The following TRAPPC11 variants were observed in gnomAD, a reference collection of about 807,000 sequenced individuals.
TRAPPC11 encodes the protein foie gras homolog.
Under a neutral mutation model 151.2 loss-of-function variants are expected in TRAPPC11, and 104 were observed. The observed-to-expected ratio is 0.69, with a 90% CI of 0.59 to 0.81. The LOEUF (loss-of-function observed/expected upper bound fraction) is 0.81. TRAPPC11 is among the 30% of genes least tolerant of loss of function. The probability of loss-of-function intolerance (pLI) is 0.00; values close to 1 mark genes in which losing one functional copy is unlikely to be tolerated. For synonymous variants in TRAPPC11, 456 were observed against 472.3 expected, an observed-to-expected ratio of 0.97 and a Z score of 0.45; for missense variants, 1,230 against 1,349.6, an observed-to-expected ratio of 0.91 and a Z score of 1.39.
intron 29 of TRAPPC11, among the ~76,000 whole-genome samples, chr4:183,709,564 A>G (rs1211116542): frequency 6.6e-6 from 1 of 152,156 alleles, no homozygotes; most frequent in Non-Finnish European, 1.5e-5. Context: ...TCATAAGGTC[A>G]GGAGATCGAG....
At chr4:183,679,732 T>C (rs1369484023) in intron 9 of TRAPPC11, among the ~76,000 whole-genome samples, 1 of 152,220 alleles carries the variant, frequency 6.6e-6, no homozygotes. Context: ...CTCTACCATA[T>C]GTCTAGGTCC....
intron 18 of TRAPPC11, among the ~76,000 whole-genome samples, chr4:183,687,865 G>A (rs6851384): frequency 0.29 from 43,909 of 151,960 alleles, 6,656 homozygotes; most frequent in African/African-American, 0.38. Context: ...CACCCTCTAC[G>A]TTAACTTCTT....
intron 26 of TRAPPC11, among the ~76,000 whole-genome samples, chr4:183,702,253 A>T (rs1361307855): frequency 6.6e-6 from 1 of 151,600 alleles, no homozygotes; most frequent in Non-Finnish European, 1.5e-5. Context: ...CTGAGGGGGG[A>T]GGATGACTTG....
intron 4 of TRAPPC11, 99 bp downstream of exon 4, chr4:183,667,229 A>G (rs543240523): frequency 5.7e-6 from 5 of 869,914 alleles, no homozygotes; most frequent in South Asian, 3.3e-5. Flanking sequence ...TTATGCATTC[A>G]GTTATGGGGC....
At chr4:183,670,041 C>G (rs1471630669) in intron 5 of TRAPPC11, among the ~76,000 whole-genome samples, 1 of 152,194 alleles carries the variant, frequency 6.6e-6, no homozygotes, top group Non-Finnish European at 1.5e-5. Context: ...TGAGGAAACT[C>G]ATAGACCCTT....
chr4:183,671,872 T>C lies in TRAPPC11; in HGVS notation c.561-2841T>C, dbSNP rs1364730124. Among the ~76,000 whole-genome samples the C allele has an allele frequency of 5.9e-5, 9 of 152,338 alleles. No homozygotes were observed. In the East Asian group the frequency reaches 7.7e-4, roughly 13 times the overall value. ...AAGAGTAAATATACATGTGTTCTAA[T>C]AAAAAGTTAGAATAAGGAGCAGCTC... On this transcript the variant is annotated intron_variant, in intron 5 of 29. Coordinates refer to ENST00000334690, the MANE Select transcript of TRAPPC11 (RefSeq NM_021942.6).
rs776802593 is a variant in TRAPPC11 at position 183,680,284 on chromosome 4, G to A, written c.1113+17G>A. The A allele has an allele frequency of 1.1e-5, 18 of 1,612,454 alleles. No individual in the cohort carries two copies. Among genetic ancestry groups the A allele is most frequent in the East Asian group, 2.2e-5 (1 of 44,852 alleles). The stretch of plus-strand genomic sequence containing the variant: ...AACCACGAAGTAAGTTACTCACTCC[G>A]TATTATCTAGCACATAGAAAAGTTA... On this transcript the variant is annotated intron_variant, in intron 10 of 29. Transcript: ENST00000334690.
chr4:183,668,223 A>G, intron 5 of TRAPPC11, 106 bp downstream of exon 5: 1 of 641,798 alleles, frequency 1.6e-6, no homozygotes, highest in Non-Finnish European at 2.7e-6. Context: ...CATGAAAAAC[A>G]TTCATATGAT....
Position 183,684,313 on chromosome 4 carries a change from A to G in TRAPPC11, c.1375A>G (p.Met459Val). 1 of 1,613,816 alleles carries G rather than the reference A, an allele frequency of 6.2e-7. No homozygotes were observed. Among genetic ancestry groups the G allele is most frequent in the African/African-American group, 1.3e-5 (1 of 75,036 alleles). ...PRMKSHLMVQ[M>V]GEEYYYAKDY... is the part of the protein sequence containing the mutation. ...CTTTTTTTCCTTTATAGTGGTTCAG[A>G]TGGGAGAGGAATATTATTACGCAAA... Residue 459 changes from methionine to valine, a missense_variant, in exon 14 of 30, where the codon ATG becomes GTG. Physicochemically the swap from Met to Val is conservative, Grantham distance 21 (BLOSUM62 1). Transcript: ENST00000334690.
At chr4:183,682,233 A>G (rs1331815431) in intron 10 of TRAPPC11, among the ~76,000 whole-genome samples, 2 of 152,182 alleles carry the variant, frequency 1.3e-5, no homozygotes, top group Non-Finnish European at 2.9e-5. Context: ...TTCATGTATT[A>G]CGTTTTGGTT....
chr4:183,711,127 T>C (rs1737322430), intron 29 of TRAPPC11, among the ~76,000 whole-genome samples: 1 of 152,080 alleles, frequency 6.6e-6, no homozygotes, highest in Admixed American at 6.5e-5. Context: ...TTTTTTTTAC[T>C]TGTCACTCTA....
intron 27 of TRAPPC11, chr4:183,706,098 A>ACCCC (rs138179197): frequency 4.0e-5 from 6 of 149,908 alleles, no homozygotes; most frequent in Non-Finnish European, 7.4e-5. Flanking sequence ...ACACACACAC[A>ACCCC]CCCACCAAAC....
intron 29 of TRAPPC11, among the ~76,000 whole-genome samples, chr4:183,711,135 C>G (rs895329202): frequency 6.6e-6 from 1 of 151,686 alleles, no homozygotes; most frequent in African/African-American, 2.4e-5. Flanking sequence ...ACTTGTCACT[C>G]TAAGGACAGT....
Position 183,708,407 on chromosome 4 carries a change from A to G in TRAPPC11, c.3190A>G (p.Ile1064Val). 6.2e-7 allele frequency: 1 copy of G among 1,611,660 alleles called. No individual in the cohort carries two copies. The highest frequency in any genetic ancestry group is 8.5e-7 in the Non-Finnish European group (1 of 1,178,862). The change falls in exon 29 of 30, where the codon ATT (isoleucine) becomes GTT (valine). Residue 1064 changes from isoleucine (I) to valine (V), a missense_variant and splice_region_variant. By Grantham distance (29) the Ile-to-Val change is conservative (BLOSUM62 3). Coordinates refer to ENST00000334690, the MANE Select transcript of TRAPPC11 (RefSeq NM_021942.6). The stretch of plus-strand genomic sequence containing the variant: ...TTCTCTGTGACTTTTTATGATGCAG[A>G]TTCGATTACGTATCCTCCCTGGCAC... ...DAFMFSGLKQ[I>V]RLRILPGTEQ...
At chr4:183,699,226 T>G (rs910982071) in intron 25 of TRAPPC11, among the ~76,000 whole-genome samples, 6 of 152,200 alleles carry the variant, frequency 3.9e-5, no homozygotes, top group African/African-American at 9.7e-5. Flanking sequence ...AACATATCTT[T>G]GGAACTTTTG....
At position 183,693,144 on chromosome 4, in the gene TRAPPC11, C is replaced by T. The variant is rs768000138; in HGVS notation, c.2234C>T (p.Thr745Ile). 1.9e-6 allele frequency: 3 copies of T among 1,583,652 alleles called. No individual in the cohort carries two copies. Among genetic ancestry groups the T allele is most frequent in the Non-Finnish European group, 2.6e-6 (3 of 1,163,044 alleles). Residue 745 changes from threonine to isoleucine, a missense_variant, in exon 20 of 30, where the codon ACA becomes ATA. Thr to Ile is a moderately conservative substitution (Grantham distance 89). Coordinates refer to ENST00000334690, the MANE Select transcript of TRAPPC11 (RefSeq NM_021942.6). The part of the protein sequence containing the change: ...HWDSIIIQAS[T>I]MIISRVPNIS... The stretch of plus-strand genomic sequence containing the variant: ...GACAGCATTATAATTCAGGCAAGCA[C>T]AATGTAAGTCTGCTTTGCTAAGCTG...
chr4:183,685,246 G>A (rs1400655465), intron 16 of TRAPPC11, 25 bp from the exon 17 acceptor site: 1 of 1,611,184 alleles, frequency 6.2e-7, no homozygotes, highest in South Asian at 1.1e-5. Context: ...CTAGTTGAAT[G>A]GATGTTAACT....
In TRAPPC11 at chr4:183,669,876, C is replaced by G. The variant is rs1183016418; in HGVS notation, c.560+1759C>G. On this transcript the variant is annotated intron_variant, in intron 5 of 29. Coordinates refer to ENST00000334690, the MANE Select transcript of TRAPPC11 (RefSeq NM_021942.6). ...TTCAAGAGAAACAGAGGATGGGCCT[C>G]TGCCCTTAACCACTTGTAGTTTTGT... Among the ~76,000 whole-genome samples the G allele has an allele frequency of 3.3e-5, 5 of 152,212 alleles. No homozygotes were observed. In the East Asian group the frequency reaches 9.6e-4, roughly 29 times the overall value.
At chr4:183,661,411 G>A (rs1047057062) in intron 1 of TRAPPC11, among the ~76,000 whole-genome samples, 8 of 117,024 alleles carry the variant, frequency 6.8e-5, no homozygotes, top group East Asian at 5.4e-4. Context: ...TCGCTCTGTC[G>A]CCCAGGCTGG....
Sources: gnomAD v4.1 joint callset for allele counts (sites outside exome capture counted in the v4.1 genomes callset) on GRCh38, gnomAD v4.1.1 for gene constraint, MANE v1.5 for transcripts, NCBI Gene and HGNC (gene_info 2026-07-23, HGNC 2026-07-21) for gene names.